DAB1: variants seen among roughly 807,000 people sequenced by gnomAD.
DAB1 encodes DAB adaptor protein 1, also known as disabled homolog 1.
In DAB1, 15 loss-of-function variants were observed where a neutral mutation model predicts 64.6. The ratio of observed to expected loss-of-function variants is 0.23; its 90% CI spans 0.16 to 0.36. DAB1 has a LOEUF of 0.36. Among genes scored for constraint, DAB1 ranks in the 10% least tolerant of loss-of-function variants. The probability of loss-of-function intolerance (pLI) is 1.00; values close to 1 mark genes in which losing one functional copy is unlikely to be tolerated. For synonymous variants in DAB1, 235 were observed against 251.9 expected (o/e 0.93, Z 0.64); for missense variants, 596 against 706.7 (o/e 0.84, Z 1.78).
intron 1 of DAB1, among the ~76,000 whole-genome samples, chr1:57,307,698 C>G (rs1674313986): frequency 6.6e-6 from 1 of 152,092 alleles, no homozygotes; most frequent in Non-Finnish European, 1.5e-5. Context: ...CCTTCCCTGT[C>G]TGTTGAATCT....
At chr1:57,812,569 C>T (rs1651681216) in intron 6 of DAB1, among the ~76,000 whole-genome samples, 1 of 152,148 alleles carries the variant, frequency 6.6e-6, no homozygotes, top group African/African-American at 2.4e-5. Flanking sequence ...GGCTCCGCAG[C>T]TGCCAGACAG....
At position 57,986,867 on chromosome 1, in the gene DAB1, C is replaced by A. The variant is rs556693619; in HGVS notation, n.388-102705G>T. 1.2e-4 allele frequency among the ~76,000 whole-genome samples: 19 copies of A among 152,208 alleles called. No homozygotes were observed. The South Asian group carries it at 3.9e-3, about 32-fold the overall frequency. ...ATTAACTGTTTATTACAGGCTGGAC[C>A]CTGGGCCCTACATTCGTTGTCTTAT... On this transcript the variant is annotated intron_variant and non_coding_transcript_variant, in intron 5 of 20. Coordinates refer to the DAB1 transcript ENST00000485760.
At chr1:57,957,525 G>A (rs1645419749) in intron 5 of DAB1, among the ~76,000 whole-genome samples, 1 of 152,150 alleles carries the variant, frequency 6.6e-6, no homozygotes, top group African/African-American at 2.4e-5. Context: ...ATATATACAG[G>A]TCTAGAATTC....
intron 6 of DAB1, among the ~76,000 whole-genome samples, chr1:57,777,558 T>A (rs150249791): frequency 3.4e-4 from 51 of 152,092 alleles, no homozygotes; most frequent in African/African-American, 9.6e-4. Context: ...TTTAATCTGC[T>A]GTTAAAATTT....
intron 4 of DAB1, among the ~76,000 whole-genome samples, chr1:58,297,976 C>T (rs553762429): frequency 6.6e-6 from 1 of 152,196 alleles, no homozygotes; most frequent in Admixed American, 6.5e-5. Flanking sequence ...CCTCCATTGT[C>T]AGATCAACCA....
intron 7 of DAB1, among the ~76,000 whole-genome samples, chr1:57,489,611 T>G (rs1644137378): frequency 1.3e-5 from 2 of 152,202 alleles, no homozygotes; most frequent in Non-Finnish European, 2.9e-5. Context: ...TATGTCTAAC[T>G]GATTGTTATA....
intron 6 of DAB1, among the ~76,000 whole-genome samples, chr1:57,704,377 A>C (rs1245582142): frequency 6.6e-6 from 1 of 152,138 alleles, no homozygotes; most frequent in East Asian, 1.9e-4. Context: ...TAACTAATTT[A>C]AGGTAACCCC....
intron 5 of DAB1, among the ~76,000 whole-genome samples, chr1:58,028,986 C>T (rs529548763): frequency 6.6e-6 from 1 of 152,136 alleles, no homozygotes; most frequent in Non-Finnish European, 1.5e-5. Context: ...GGCTACCTCA[C>T]AGAAAGATGG....
intron 4 of DAB1, among the ~76,000 whole-genome samples, chr1:58,189,235 A>G (rs1426407058): frequency 6.6e-6 from 1 of 152,188 alleles, no homozygotes. Flanking sequence ...GAAAGCAGGA[A>G]AGGATGTTTT....
chr1:58,423,383 C>T (rs1464993079), intron 3 of DAB1, among the ~76,000 whole-genome samples: 1 of 152,220 alleles, frequency 6.6e-6, no homozygotes, highest in Non-Finnish European at 1.5e-5. Context: ...ATGGCATTTC[C>T]TCCTTCTGCA....
At chr1:58,110,810 G>C (rs1345036315) in intron 5 of DAB1, among the ~76,000 whole-genome samples, 1 of 152,182 alleles carries the variant, frequency 6.6e-6, no homozygotes, top group Non-Finnish European at 1.5e-5. Flanking sequence ...CTTCATGTTA[G>C]TTATCACTTC....
At chr1:58,486,595 G>A (rs545385263) in intron 3 of DAB1, among the ~76,000 whole-genome samples, 57 of 152,264 alleles carry the variant, frequency 3.7e-4, no homozygotes, top group Admixed American at 1.4e-3. Flanking sequence ...TATGGATACA[G>A]CAGTGTACAA....
intron 6 of DAB1, among the ~76,000 whole-genome samples, chr1:57,695,432 GAAA>G (rs1246228793): frequency 4.5e-5 from 6 of 134,624 alleles, no homozygotes; most frequent in African/African-American, 1.7e-4. Flanking sequence ...AAGAAAGAAA[GAAA>G]AAAGAAGAAA....
chr1:58,327,338 A>G (rs1662857265), intron 4 of DAB1, among the ~76,000 whole-genome samples: 1 of 152,178 alleles, frequency 6.6e-6, no homozygotes, highest in African/African-American at 2.4e-5. Flanking sequence ...AGGAGGAGGC[A>G]GGCAATACCA....
chr1:57,523,508 C>G (rs1644555243), intron 7 of DAB1, among the ~76,000 whole-genome samples: 1 of 152,108 alleles, frequency 6.6e-6, no homozygotes, highest in Non-Finnish European at 1.5e-5. Flanking sequence ...AATTCTCAGT[C>G]TACAATAAGC....
intron 4 of DAB1, among the ~76,000 whole-genome samples, chr1:57,096,014 C>T (rs1430680250): frequency 6.6e-6 from 1 of 152,158 alleles, no homozygotes; most frequent in Non-Finnish European, 1.5e-5. Flanking sequence ...ATAATGTTGA[C>T]TAAATGTTTT....
At chr1:57,514,494 G>A (rs1644442022) in intron 7 of DAB1, among the ~76,000 whole-genome samples, 3 of 152,134 alleles carry the variant, frequency 2.0e-5, no homozygotes, top group Admixed American at 1.3e-4. Context: ...TAGAATGTAA[G>A]CTTCATGAAA....
intron 4 of DAB1, among the ~76,000 whole-genome samples, chr1:58,308,527 G>A (rs1174690279): frequency 1.3e-5 from 2 of 151,970 alleles, no homozygotes; most frequent in African/African-American, 4.8e-5. Flanking sequence ...TCCCCTACAG[G>A]CTTAAGTAAG....
At chr1:57,540,646 T>C (rs2793624) in intron 7 of DAB1, among the ~76,000 whole-genome samples, 141,476 of 152,296 alleles carry the variant, frequency 0.93, 66,578 homozygotes, top group East Asian at 1. Flanking sequence ...GTCATTTGCA[T>C]ATCCTGTCAT....
Sources: allele counts gnomAD v4.1 joint callset (sites outside exome capture counted in the v4.1 genomes callset), GRCh38; gene constraint gnomAD v4.1.1; transcripts MANE v1.5; gene names NCBI Gene and HGNC (gene_info 2026-07-23, HGNC 2026-07-21).